The following LRRC31 variants were observed in gnomAD, a reference collection of about 807,000 sequenced individuals.
LRRC31 encodes leucine-rich repeat-containing protein 31.
In LRRC31, 35 loss-of-function variants were observed where a neutral mutation model predicts 46.7. The observed-to-expected ratio is 0.75, with a 90% CI of 0.57 to 0.99. The LOEUF is 0.99. LRRC31 is among the 50% of genes least tolerant of loss of function. The pLI is 0.00. For missense variants in LRRC31, 613 were observed against 626.1 expected (o/e 0.98, Z 0.22); for synonymous variants, 236 against 235.1 (o/e 1.00, Z -0.03).
At chr3:169,863,067 G>A (rs1781223142) in intron 1 of LRRC31, among the ~76,000 whole-genome samples, 1 of 151,948 alleles carries the variant, frequency 6.6e-6, no homozygotes, top group South Asian at 2.1e-4. Flanking sequence ...ATTTTTAGTA[G>A]AGATGAGGGG....
intron 7 of LRRC31, among the ~76,000 whole-genome samples, chr3:169,850,328 G>C (rs16847897): frequency 0.31 from 47,415 of 151,896 alleles, 7,841 homozygotes; most frequent in East Asian, 0.62. Flanking sequence ...TGCTCAGCTC[G>C]CATAGACTTG....
At chr3:169,840,338 G>T in intron 8 of LRRC31, 25 bp from the exon 9 acceptor site, 1 of 1,610,780 alleles carries the variant, frequency 6.2e-7, no homozygotes, top group Non-Finnish European at 8.5e-7. Context: ...CACTCTAAAT[G>T]CTAACATACA....
chr3:169,861,070 C>CTT lies in LRRC31; in HGVS notation c.320-344_320-343dup, dbSNP rs11337221. On this transcript the variant is annotated intron_variant, in intron 2 of 8. Coordinates refer to ENST00000316428, the MANE Select transcript of LRRC31 (RefSeq NM_024727.4). ...GATCAATTAACTTGTTTTTCTTTTC[C>CTT]TTTTTTTTTTTTTTTTTTCAGACGG... Among the ~76,000 whole-genome samples the CTT allele has an allele frequency of 3.5e-3, 443 of 124,970 alleles. 6 individuals are homozygous for CTT. Among genetic ancestry groups the CTT allele is most frequent in the Middle Eastern group, 0.012 (3 of 246 alleles). 82.0% of individuals were successfully genotyped at this position (124,970 alleles called of 152,430 possible). A position where few individuals can be genotyped will look rare whatever the true frequency, so the allele number is the denominator to read the frequency against.
Position 169,869,628 on chromosome 3 carries a change from C to A in LRRC31, c.175+5G>T. On this transcript the variant is annotated splice_donor_5th_base_variant and intron_variant, in intron 1 of 8. Transcript: ENST00000316428. Reference sequence around the variant, plus strand: ...CAGCAAAAACACCAGCAGCCAGCAGCTTACCAGTCTCTGAGGTGGCTGTCT... The same window carrying A: ...CAGCAAAAACACCAGCAGCCAGCAGATTACCAGTCTCTGAGGTGGCTGTCT... The A allele has an allele frequency of 6.3e-7, 1 of 1,582,722 alleles. No individual in the cohort carries two copies. The highest frequency in any genetic ancestry group is 8.6e-7 in the Non-Finnish European group (1 of 1,167,402).
chr3:169,856,948 C>A, intron 3 of LRRC31, 76 bp from the exon 4 acceptor site: 1 of 1,423,834 alleles, frequency 7.0e-7, no homozygotes, highest in South Asian at 1.3e-5. Context: ...ATCAGCACAA[C>A]CATGATTAAT....
intron 1 of LRRC31, among the ~76,000 whole-genome samples, chr3:169,866,779 G>A (rs9838292): frequency 0.29 from 44,632 of 151,816 alleles, 10,424 homozygotes; most frequent in African/African-American, 0.66. Flanking sequence ...GGCCCACAAG[G>A]TGAAATTCCT....
chr3:169,846,015 A>G (rs1032866830), intron 8 of LRRC31, among the ~76,000 whole-genome samples: 1 of 152,222 alleles, frequency 6.6e-6, no homozygotes, highest in Non-Finnish European at 1.5e-5. Flanking sequence ...CATCAATAAG[A>G]AAACAAACAA....
At chr3:169,867,113 C>T (rs1039768027) in intron 1 of LRRC31, among the ~76,000 whole-genome samples, 4 of 140,910 alleles carry the variant, frequency 2.8e-5, no homozygotes, top group African/African-American at 1.1e-4. Context: ...TCCAGTGGTG[C>T]AATCATGGCT....
chr3:169,857,717 T>C (rs1781012255), intron 3 of LRRC31, among the ~76,000 whole-genome samples: 3 of 152,132 alleles, frequency 2.0e-5, no homozygotes, highest in South Asian at 4.2e-4. Context: ...ACTTTCTCAA[T>C]GTGCAAACAA....
intron 6 of LRRC31, among the ~76,000 whole-genome samples, chr3:169,854,566 A>G (rs545104988): frequency 2.0e-5 from 3 of 152,312 alleles, no homozygotes; most frequent in African/African-American, 7.2e-5. Flanking sequence ...CATAAATTCA[A>G]AATTTTCCCT....
At chr3:169,859,321 G>T (rs1781076086) in intron 3 of LRRC31, among the ~76,000 whole-genome samples, 1 of 137,702 alleles carries the variant, frequency 7.3e-6, no homozygotes, top group Admixed American at 7.5e-5. Flanking sequence ...GGGGGGGCGG[G>T]TAGGCACTAG....
intron 1 of LRRC31, among the ~76,000 whole-genome samples, chr3:169,866,565 A>T (rs995614902): frequency 2.0e-5 from 3 of 152,208 alleles, no homozygotes; most frequent in African/African-American, 7.2e-5. Context: ...TTATAAAAAC[A>T]TACTTAAAAT....
chr3:169,868,408 C>T (rs1224656205), intron 1 of LRRC31, among the ~76,000 whole-genome samples: 1 of 152,212 alleles, frequency 6.6e-6, no homozygotes, highest in Non-Finnish European at 1.5e-5. Flanking sequence ...CCTCCACCCC[C>T]ATCTAAATAG....
At chr3:169,840,358 T>C in intron 8 of LRRC31, 45 bp from the exon 9 acceptor site, 2 of 1,585,660 alleles carry the variant, frequency 1.3e-6, no homozygotes, top group South Asian at 2.2e-5. Flanking sequence ...AAGAATACTG[T>C]CTGCCATGGC....
chr3:169,847,763 T>G (rs1007198394), intron 8 of LRRC31, among the ~76,000 whole-genome samples: 12 of 152,124 alleles, frequency 7.9e-5, no homozygotes, highest in Non-Finnish European at 1.3e-4. Context: ...AAGAGTCAAT[T>G]TAAAGGAAAA....
chr3:169,851,561 A>G, intron 7 of LRRC31, 58 bp downstream of exon 7: 1 of 1,500,590 alleles, frequency 6.7e-7, no homozygotes, highest in South Asian at 1.2e-5. Context: ...GCAGGGAAAA[A>G]GAAGTCTCCC....
At chr3:169,840,862 C>G (rs550875875) in intron 8 of LRRC31, among the ~76,000 whole-genome samples, 5 of 152,244 alleles carry the variant, frequency 3.3e-5, no homozygotes, top group African/African-American at 1.2e-4. Context: ...AAAATGATGA[C>G]TAATGTACAA....
chr3:169,844,313 ATCAT>A (rs1331852678), intron 8 of LRRC31, among the ~76,000 whole-genome samples: 1 of 152,196 alleles, frequency 6.6e-6, no homozygotes, highest in African/African-American at 2.4e-5. Context: ...ATTAATTATT[ATCAT>A]TCATTATTAT....
Position 169,857,415 on chromosome 3 carries a change from C to CATATATACATAT in LRRC31, c.488-544_488-543insATATGTATATAT, listed in dbSNP as rs144038208. Among the ~76,000 whole-genome samples, 26 of 98,690 alleles carry CATATATACATAT rather than the reference C, an allele frequency of 2.6e-4. 3 individuals are homozygous for CATATATACATAT. The East Asian group carries it at 9.8e-3, about 37-fold the overall frequency. The allele number at this position is 98,690 out of a possible 152,430, so 64.7% of individuals were successfully genotyped here. A position where few individuals can be genotyped will look rare whatever the true frequency, so the allele number is the denominator to read the frequency against. ...ATACATACACACACATATACATATACATATATATATATATGAGGAATATCA... is the reference window on the plus strand; with the variant it reads ...ATACATACACACACATATACATATACATATATACATATATATATATATATATGAGGAATATCA... On this transcript the variant is annotated intron_variant, in intron 3 of 8. Transcript: ENST00000316428.
Sources: gnomAD v4.1 joint callset for allele counts (sites outside exome capture counted in the v4.1 genomes callset) on GRCh38, gnomAD v4.1.1 for gene constraint, MANE v1.5 for transcripts, NCBI Gene and HGNC (gene_info 2026-07-23, HGNC 2026-07-21) for gene names.